RNF130: variants seen among roughly 807,000 people sequenced by gnomAD.
The protein encoded by RNF130 is ring finger protein 130.
A neutral mutation model predicts 44.6 loss-of-function variants in RNF130; 21 were observed. The ratio of observed to expected loss-of-function variants is 0.47; its 90% CI spans 0.33 to 0.68. The LOEUF is 0.68. Ranked by LOEUF, RNF130 falls within the 30% of genes least tolerant of loss-of-function variation. RNF130 has a pLI of 0.02. For missense variants in RNF130, 479 were observed against 560.6 expected (o/e 0.85, Z 1.47); for synonymous variants, 214 against 210.4 (o/e 1.02, Z -0.15).
In RNF130 at chr5:180,071,507, G is replaced by A. The variant is rs1270303423; in HGVS notation, c.196C>T (p.Pro66Ser). The change falls in exon 1 of 9, where the codon CCC becomes TCC. Residue 66 changes from proline to serine, a missense_variant. Transcript: ENST00000521389. ...IDRGRYGLDS[P>S]KAEVRGQVLA... ...ACCTGGCCGCGGACCTCGGCCTTGG[G>A]GGAGTCAAGCCCGTAGCGCCCGCGG... 2.3e-6 allele frequency: 3 copies of A among 1,323,318 alleles called. No homozygotes were observed. Among genetic ancestry groups the A allele is most frequent in the Non-Finnish European group, 2.9e-6 (3 of 1,031,126 alleles). The allele number at this position is 1,323,318 out of a possible 1,614,324, so 82.0% of individuals were successfully genotyped here.
chr5:179,971,682 T>A (rs1762590039), intron 5 of RNF130, among the ~76,000 whole-genome samples: 1 of 152,204 alleles, frequency 6.6e-6, no homozygotes, highest in Non-Finnish European at 1.5e-5. Flanking sequence ...ATAAAAGAAA[T>A]TTTTAAGTAA....
chr5:179,968,461 T>A (rs1254716071), intron 6 of RNF130, among the ~76,000 whole-genome samples: 3 of 150,894 alleles, frequency 2.0e-5, no homozygotes, highest in African/African-American at 7.3e-5. Flanking sequence ...AGGTCAGGAG[T>A]TTGAGACCAG....
intron 7 of RNF130, among the ~76,000 whole-genome samples, chr5:179,949,667 C>G (rs1407704553): frequency 2.0e-5 from 3 of 152,156 alleles, no homozygotes; most frequent in African/African-American, 7.2e-5. Context: ...ATTTGTAAAT[C>G]TGACTTCTTA....
chr5:180,023,008 T>C (rs1763907452), intron 2 of RNF130, among the ~76,000 whole-genome samples: 1 of 152,210 alleles, frequency 6.6e-6, no homozygotes, highest in South Asian at 2.1e-4. Flanking sequence ...AATCTGTTAT[T>C]TACATTAAAG....
chr5:180,057,279 T>TG (rs1435487673), intron 1 of RNF130, among the ~76,000 whole-genome samples: 1 of 152,236 alleles, frequency 6.6e-6, no homozygotes, highest in Non-Finnish European at 1.5e-5. Flanking sequence ...GTGGGCACAG[T>TG]GGCTCACGCC....
At chr5:179,967,549 CA>C (rs1183348051) in intron 6 of RNF130, among the ~76,000 whole-genome samples, 1 of 152,242 alleles carries the variant, frequency 6.6e-6, no homozygotes, top group African/African-American at 2.4e-5. Flanking sequence ...TGATCTGTTT[CA>C]AAACCTAAGC....
At chr5:180,067,726 G>A (rs1350298190) in intron 1 of RNF130, among the ~76,000 whole-genome samples, 1 of 152,064 alleles carries the variant, frequency 6.6e-6, no homozygotes, top group Non-Finnish European at 1.5e-5. Flanking sequence ...TGAATGTTCA[G>A]AGACCCTGCT....
chr5:180,001,787 G>C (rs896130219), intron 3 of RNF130, among the ~76,000 whole-genome samples: 1 of 152,218 alleles, frequency 6.6e-6, no homozygotes, highest in African/African-American at 2.4e-5. Flanking sequence ...GGGGAGGATA[G>C]CACAGTGATA....
At chr5:180,051,238 A>ATATTTATTTGTTTATT (rs1554107008) in intron 1 of RNF130, among the ~76,000 whole-genome samples, 4 of 144,096 alleles carry the variant, frequency 2.8e-5, no homozygotes, top group Non-Finnish European at 6.1e-5. Flanking sequence ...TATAGATATT[A>ATATTTATTTGTTTATT]TATTTATTTA....
intron 2 of RNF130, among the ~76,000 whole-genome samples, chr5:180,037,226 C>A (rs1764269393): frequency 6.6e-6 from 1 of 152,162 alleles, no homozygotes; most frequent in South Asian, 2.1e-4. Flanking sequence ...TACGTGTCGT[C>A]CATGCACATG....
At chr5:179,980,095 C>T (rs750458499) in intron 4 of RNF130, 34 bp downstream of exon 4, 1 of 1,597,066 alleles carries the variant, frequency 6.3e-7, no homozygotes, top group East Asian at 2.2e-5. Flanking sequence ...TGCTGGATTA[C>T]TTTTACGGTG....
At chr5:179,974,758 C>T (rs982186125) in intron 5 of RNF130, among the ~76,000 whole-genome samples, 3 of 152,314 alleles carry the variant, frequency 2.0e-5, no homozygotes, top group Non-Finnish European at 4.4e-5. Context: ...CACGAGATGC[C>T]GGCGAGTGGA....
chr5:179,969,095 T>A (rs1762524680), intron 6 of RNF130, among the ~76,000 whole-genome samples: 1 of 152,238 alleles, frequency 6.6e-6, no homozygotes, highest in Non-Finnish European at 1.5e-5. Flanking sequence ...TGGATCAAAC[T>A]AAACTTTTTG....
intron 2 of RNF130, among the ~76,000 whole-genome samples, chr5:180,029,355 C>A (rs1394647699): frequency 6.6e-6 from 1 of 152,072 alleles, no homozygotes; most frequent in African/African-American, 2.4e-5. Flanking sequence ...ATGTGACAGG[C>A]AGCATCTCCA....
chr5:180,066,277 T>C (rs557548105), intron 1 of RNF130, among the ~76,000 whole-genome samples: 33 of 152,348 alleles, frequency 2.2e-4, no homozygotes, highest in African/African-American at 7.7e-4. Context: ...GTTTCCACTT[T>C]TGCATCTTCC....
chr5:179,979,591 C>CAT (rs1762786821), intron 4 of RNF130, among the ~76,000 whole-genome samples: 1 of 152,046 alleles, frequency 6.6e-6, no homozygotes, highest in African/African-American at 2.4e-5. Flanking sequence ...AGCGGAGAAG[C>CAT]AGGGCTCTAC....
At chr5:180,041,000 G>C (rs1192500117) in intron 1 of RNF130, among the ~76,000 whole-genome samples, 1 of 152,174 alleles carries the variant, frequency 6.6e-6, no homozygotes, top group East Asian at 1.9e-4. Context: ...ATGTAACCCT[G>C]ACACCCTGAC....
Position 179,945,889 on chromosome 5 carries a change from CA to C in RNF130, c.1150+20916del, listed in dbSNP as rs1234785130. ...GCTGCATGCATTTATACCCACTCAA[CA>C]ATAAATGCCCGGAGGGAAAAAGGCG... On this transcript the variant is annotated intron_variant, in intron 7 of 7. Transcript: ENST00000522208. Among the ~76,000 whole-genome samples, 4 of 102,552 alleles carry C rather than the reference CA, an allele frequency of 3.9e-5. No homozygotes were observed. The Admixed American group carries it at 6.2e-4, about 16-fold the overall frequency. The allele number at this position is 102,552 out of a possible 152,430, so 67.3% of individuals were successfully genotyped here. A position where few individuals can be genotyped will look rare whatever the true frequency, so the allele number is the denominator to read the frequency against.
chr5:180,000,320 C>T (rs1582176934), intron 3 of RNF130, among the ~76,000 whole-genome samples: 1 of 152,312 alleles, frequency 6.6e-6, no homozygotes, highest in African/African-American at 2.4e-5. Context: ...TGTTCTCTTG[C>T]TGTTTTGTGA....
Sources: gnomAD v4.1 joint callset for allele counts (sites outside exome capture counted in the v4.1 genomes callset) on GRCh38, gnomAD v4.1.1 for gene constraint, MANE v1.5 for transcripts, NCBI Gene and HGNC (gene_info 2026-07-23, HGNC 2026-07-21) for gene names.